Variants in TMX3 observed in about 807,000 individuals in gnomAD.
TMX3 encodes thioredoxin related transmembrane protein 3.
A neutral mutation model predicts 64.4 loss-of-function variants in TMX3; 40 were observed. That is an observed-to-expected ratio of 0.62 (90% CI 0.48 to 0.81). TMX3 has a LOEUF of 0.81. Among genes scored for constraint, TMX3 ranks in the 30% least tolerant of loss-of-function variants. The pLI is 0.00. For missense variants in TMX3, 497 were observed against 534.5 expected (o/e 0.93, Z 0.69); for synonymous variants, 189 against 175.7 (o/e 1.08, Z -0.60).
At chr18:68,695,361 T>G (rs999880393) in intron 8 of TMX3, among the ~76,000 whole-genome samples, 2 of 152,216 alleles carry the variant, frequency 1.3e-5, no homozygotes, top group Non-Finnish European at 2.9e-5. Context: ...CTCATTTCCT[T>G]AAAAAATTGC....
intron 10 of TMX3, chr18:68,687,033 C>A (rs1914032709): frequency 7.1e-6 from 7 of 982,098 alleles, no homozygotes; most frequent in African/African-American, 1.8e-5. Context: ...AAAAGCTATA[C>A]TTCCATCCTA....
chr18:68,699,718 T>C (rs1915482701), intron 6 of TMX3, among the ~76,000 whole-genome samples: 1 of 152,068 alleles, frequency 6.6e-6, no homozygotes, highest in African/African-American at 2.4e-5. Context: ...GTGAAATAAT[T>C]ATAAGCACCG....
intron 10 of TMX3, chr18:68,686,828 CA>C (rs1392956702): frequency 1.0e-6 from 1 of 985,068 alleles, no homozygotes; most frequent in African/African-American, 1.7e-5. Context: ...TCACTAGACA[CA>C]GAACATTAAA....
intron 11 of TMX3, 62 bp downstream of exon 11, chr18:68,684,366 A>T (rs1489065149): frequency 1.3e-6 from 2 of 1,535,104 alleles, no homozygotes; most frequent in Non-Finnish European, 1.8e-6. Context: ...TATCAAGTCT[A>T]TCTAAAGCCA....
Position 68,697,125 on chromosome 18 carries a change from C to A in TMX3, c.570+101G>T, listed in dbSNP as rs546210248. Reference sequence around the variant, plus strand: ...CAGTAAATAAATCTGATATTAAAATCAATAATTTAATCAAGTAATAAAATC... The same window carrying A: ...CAGTAAATAAATCTGATATTAAAATAAATAATTTAATCAAGTAATAAAATC... On this transcript the variant is annotated intron_variant, in intron 8 of 15. Transcript: ENST00000299608. The A allele has an allele frequency of 1.1e-4, 72 of 674,446 alleles. No homozygotes were observed. The African/African-American group carries it at 1.2e-3, about 11-fold the overall frequency. The allele number at this position is 674,446 out of a possible 1,614,324, so 41.8% of individuals were successfully genotyped here.
intron 4 of TMX3, among the ~76,000 whole-genome samples, chr18:68,709,120 A>C (rs982716654): frequency 2.6e-5 from 4 of 152,166 alleles, no homozygotes; most frequent in African/African-American, 7.2e-5. Context: ...CAAAACCACC[A>C]ATAAAAGAAG....
At chr18:68,691,471 A>G in intron 8 of TMX3, 110 bp from the exon 9 acceptor site, 1 of 638,910 alleles carries the variant, frequency 1.6e-6, no homozygotes, top group African/African-American at 1.8e-5. Flanking sequence ...CATAAAAATA[A>G]CAAAAAAGAA....
chr18:68,683,648 C>T (rs1049631634), intron 12 of TMX3, among the ~76,000 whole-genome samples: 2 of 152,022 alleles, frequency 1.3e-5, no homozygotes, highest in Non-Finnish European at 2.9e-5. Flanking sequence ...AGGTATGATA[C>T]AAATTATAGA....
At position 68,674,172 on chromosome 18, in the gene TMX3, T is replaced by A. The variant is rs1313100328; in HGVS notation, c.*2761A>T. 1.3e-5 allele frequency: 2 copies of A among 152,178 alleles called. No individual in the cohort carries two copies. The highest frequency in any genetic ancestry group is 2.9e-5 in the Non-Finnish European group (2 of 68,020). The allele number at this position is 152,178 out of a possible 1,614,324, so 9.4% of individuals were successfully genotyped here. On this transcript the variant is annotated 3_prime_UTR_variant, in exon 16 of 16. Coordinates refer to ENST00000299608, the MANE Select transcript of TMX3 (RefSeq NM_019022.5). ...CCAGATACTTGGCATTTAAATGTTA[T>A]TTCTAAATCAGATACCAGGAAGCAA...
At chr18:68,686,787 C>A in intron 10 of TMX3, 1 of 985,158 alleles carries the variant, frequency 1.0e-6, no homozygotes, top group Non-Finnish European at 1.2e-6. Flanking sequence ...ATACACAGCT[C>A]CTTCTGTAAA....
Position 68,677,848 on chromosome 18 carries a change from C to T in TMX3, c.1105-655G>A, listed in dbSNP as rs563949516. On this transcript the variant is annotated intron_variant, in intron 15 of 15. Coordinates refer to ENST00000299608, the MANE Select transcript of TMX3 (RefSeq NM_019022.5). ...GGATTGAGATAATAAAAGAAAGTTT[C>T]ACAGAATAAAGGTGTGTTTTAGGTA... 3.3e-5 allele frequency among the ~76,000 whole-genome samples: 5 copies of T among 152,158 alleles called. No individual in the cohort carries two copies. In the South Asian group the frequency reaches 1.0e-3, roughly 32 times the overall value.
chr18:68,679,951 TC>T (rs1387850588), intron 14 of TMX3, among the ~76,000 whole-genome samples: 1 of 152,074 alleles, frequency 6.6e-6, no homozygotes, highest in Non-Finnish European at 1.5e-5. Flanking sequence ...CTGATGAAAA[TC>T]ACTCAAATCC....
intron 9 of TMX3, chr18:68,689,000 C>G (rs777898788): frequency 5.9e-5 from 9 of 152,118 alleles, no homozygotes; most frequent in Non-Finnish European, 1.2e-4. Flanking sequence ...TCAGCATCAT[C>G]CAATACACCC....
chr18:68,703,862 G>A lies in TMX3; in HGVS notation c.266-2072C>T, dbSNP rs183582124. On this transcript the variant is annotated intron_variant, in intron 4 of 15. Coordinates refer to ENST00000299608, the MANE Select transcript of TMX3 (RefSeq NM_019022.5). Reference sequence around the variant, plus strand: ...GGAGAATGGTGTGAACCTGGGAGGCGGAGCTTACAGTGAGCTGAGATGGAG... The same window carrying A: ...GGAGAATGGTGTGAACCTGGGAGGCAGAGCTTACAGTGAGCTGAGATGGAG... Among the ~76,000 whole-genome samples the A allele has an allele frequency of 1.1e-3, 174 of 152,146 alleles. 1 individual carries two copies. The highest frequency in any genetic ancestry group is 4.0e-3 in the African/African-American group (167 of 41,510).
Position 68,676,835 on chromosome 18 carries a change from T to C in TMX3, c.*98A>G. 2 of 1,435,208 alleles carry C rather than the reference T, an allele frequency of 1.4e-6. No individual in the cohort carries two copies. The highest frequency in any genetic ancestry group is 1.4e-5 in the South Asian group (1 of 71,172). 88.9% of individuals were successfully genotyped at this position (1,435,208 alleles called of 1,614,324 possible). A position where few individuals can be genotyped will look rare whatever the true frequency, so the allele number is the denominator to read the frequency against. On this transcript the variant is annotated 3_prime_UTR_variant, in exon 16 of 16. Coordinates refer to ENST00000299608, the MANE Select transcript of TMX3 (RefSeq NM_019022.5). Reference sequence around the variant, plus strand: ...TGATATTAGCAAAATACGAATAACATGTTCTTTTCTGTAAAGATCATGATT... The same window carrying C: ...TGATATTAGCAAAATACGAATAACACGTTCTTTTCTGTAAAGATCATGATT...
intron 6 of TMX3, among the ~76,000 whole-genome samples, chr18:68,699,822 T>C (rs183360911): frequency 9.8e-5 from 15 of 152,312 alleles, no homozygotes; most frequent in African/African-American, 3.6e-4. Flanking sequence ...TGTTTCCTTA[T>C]CAGTAAAACC....
chr18:68,709,853 C>T (rs1421054876), intron 4 of TMX3, among the ~76,000 whole-genome samples, 168 bp downstream of exon 4: 1 of 152,134 alleles, frequency 6.6e-6, no homozygotes, highest in Non-Finnish European at 1.5e-5. Context: ...CTACACGCTA[C>T]ATGTTCAATG....
intron 1 of TMX3, 68 bp downstream of exon 1, chr18:68,714,868 A>G: frequency 1.3e-6 from 2 of 1,543,922 alleles, no homozygotes; most frequent in South Asian, 1.2e-5. Context: ...CCCGGGTCCA[A>G]TCCCGGCCCC....
chr18:68,680,202 G>T (rs1044513091), intron 14 of TMX3, among the ~76,000 whole-genome samples: 2 of 152,098 alleles, frequency 1.3e-5, no homozygotes, highest in African/African-American at 2.4e-5. Context: ...TACTCTGTAA[G>T]CAAATTTTAA....
Sources: gnomAD v4.1 joint callset for allele counts (sites outside exome capture counted in the v4.1 genomes callset) on GRCh38, gnomAD v4.1.1 for gene constraint, MANE v1.5 for transcripts, NCBI Gene and HGNC (gene_info 2026-07-23, HGNC 2026-07-21) for gene names.